The following SLC8B1 variants were observed in gnomAD, a reference collection of about 807,000 sequenced individuals.
SLC8B1 encodes solute carrier family 8 member B1, also known as mitochondrial sodium/calcium exchanger protein.
A neutral mutation model predicts 63.4 loss-of-function variants in SLC8B1; 52 were observed. The observed-to-expected ratio is 0.82, with a 90% CI of 0.66 to 1.03. SLC8B1 has a LOEUF of 1.03. SLC8B1 is among the 50% of genes least tolerant of loss of function. SLC8B1 has a pLI of 0.00. For synonymous variants in SLC8B1, 336 were observed against 323.9 expected, an observed-to-expected ratio of 1.04 and a Z score of -0.40; for missense variants, 657 against 741.7, an observed-to-expected ratio of 0.89 and a Z score of 1.33.
chr12:113,330,723 C>T lies in SLC8B1; in HGVS notation c.156+2000G>A, dbSNP rs375790897. Among the ~76,000 whole-genome samples the T allele has an allele frequency of 5.6e-4, 85 of 152,220 alleles. 1 individual carries two copies. In the South Asian group the frequency reaches 0.017, roughly 30 times the overall value. ...GTAAAATGGGCTTAATTGCCTGTTG[C>T]CTGTTTCACAGGGTGGACTTGAAGG... On this transcript the variant is annotated intron_variant, in intron 2 of 15. Coordinates refer to ENST00000680972, the MANE Select transcript of SLC8B1 (RefSeq NM_001358345.2).
In SLC8B1 at chr12:113,316,999, T is replaced by A. The variant is rs767811520; in HGVS notation, c.805A>T (p.Ile269Phe). 1.1e-5 allele frequency: 18 copies of A among 1,612,342 alleles called. No homozygotes were observed. Among genetic ancestry groups the A allele is most frequent in the Non-Finnish European group, 1.4e-5 (16 of 1,179,482 alleles). ...LFCPMPVTPE[I>F]LSDSEEDRVS... The stretch of plus-strand genomic sequence containing the variant: ...CGGTCCTCCTCGGAGTCTGAGAGGA[T>A]CTCTGCAGGAGAGAGGCCCAGTTAC... The change falls in exon 9 of 16, where the codon ATC (isoleucine) becomes TTC (phenylalanine). Residue 269 changes from isoleucine (I) to phenylalanine (F), a missense_variant and splice_region_variant. Physicochemically the swap from Ile to Phe is conservative, Grantham distance 21. Coordinates refer to ENST00000680972, the MANE Select transcript of SLC8B1 (RefSeq NM_001358345.2).
At chr12:113,315,939 T>C (rs1211329234) in intron 10 of SLC8B1, among the ~76,000 whole-genome samples, 5 of 152,176 alleles carry the variant, frequency 3.3e-5, no homozygotes, top group Non-Finnish European at 7.3e-5. Flanking sequence ...AGATCTTTAA[T>C]GATGGCTGGA....
Position 113,304,365 on chromosome 12 carries a change from G to C in SLC8B1, c.1513C>G (p.Leu505Val), listed in dbSNP as rs1956642592. ...IIFNILVGVG[L>V]GCLLQISRSH... ...CGGGAGATCTGGAGCAGGCAGCCCA[G>C]CCCCACACCCACGAGGATGTCTGCA... Residue 505 changes from leucine to valine, a missense_variant, in exon 15 of 16, where the codon CTG (leucine) becomes GTG (valine). By Grantham distance (32) the Leu-to-Val change is conservative. Transcript: ENST00000680972. The C allele has an allele frequency of 6.2e-7, 1 of 1,613,882 alleles. No individual in the cohort carries two copies. Among genetic ancestry groups the C allele is most frequent in the Non-Finnish European group, 8.5e-7 (1 of 1,179,952 alleles).
chr12:113,300,077 A>AGC, intron 15 of SLC8B1, 103 bp from the exon 16 acceptor site: 1 of 887,000 alleles, frequency 1.1e-6, no homozygotes, highest in Non-Finnish European at 1.7e-6. Flanking sequence ...ATGCAGCCTC[A>AGC]ACAACAATGC....
chr12:113,312,127 G>C (rs1956771392), intron 11 of SLC8B1, among the ~76,000 whole-genome samples: 1 of 152,000 alleles, frequency 6.6e-6, no homozygotes, highest in African/African-American at 2.4e-5. Context: ...GTAGGAGGCA[G>C]TTGGCTCAGA....
chr12:113,320,277 A>G lies in SLC8B1; in HGVS notation c.694+54T>C. 4.4e-6 allele frequency: 7 copies of G among 1,589,586 alleles called. No homozygotes were observed. The highest frequency in any genetic ancestry group is 6.0e-6 in the Non-Finnish European group (7 of 1,167,428). On this transcript the variant is annotated intron_variant, in intron 7 of 15. Coordinates refer to ENST00000680972, the MANE Select transcript of SLC8B1 (RefSeq NM_001358345.2). This position sits in a 1 kb window ranked among gnomAD's most constrained non-coding sequence, Gnocchi z 5.3. ...ACCTCTCTGTCCCAGGCACCTCCTA[A>G]ACCTCCTGCCCATCAGCCCTGGGAT...
intron 1 of SLC8B1, among the ~76,000 whole-genome samples, chr12:113,333,891 C>T (rs997547630): frequency 5.9e-5 from 9 of 152,078 alleles, no homozygotes; most frequent in East Asian, 1.9e-4. Flanking sequence ...GTATTTTTAA[C>T]GGAGACGGGG....
At chr12:113,324,216 G>A (rs540814102) in intron 2 of SLC8B1, among the ~76,000 whole-genome samples, 5 of 152,020 alleles carry the variant, frequency 3.3e-5, no homozygotes, top group South Asian at 4.2e-4. Context: ...CAGAGGCTGA[G>A]GTGAGAGGAT....
Position 113,320,494 on chromosome 12 carries a change from A to T in SLC8B1, c.531T>A (p.Ala177=). The T allele has an allele frequency of 6.2e-7, 1 of 1,614,100 alleles. No individual in the cohort carries two copies. Among genetic ancestry groups the T allele is most frequent in the South Asian group, 1.1e-5 (1 of 91,082 alleles). The part of the protein sequence containing the change: ...AGLALGALFG[A]GVLVTTVVAG... ...CCACCACTGTGGTAACCAGCACGCC[A>T]GCGCCTGGGGGGAGGAGGCCAGAGC... Residue 177 remains alanine (A), a synonymous_variant, in exon 7 of 16, where the codon GCT becomes GCA. Coordinates refer to ENST00000680972, the MANE Select transcript of SLC8B1 (RefSeq NM_001358345.2). This position sits in a 1 kb window ranked among gnomAD's most constrained non-coding sequence, Gnocchi z 5.3.
intron 15 of SLC8B1, chr12:113,302,521 T>C (rs1430179413): frequency 2.5e-6 from 1 of 404,928 alleles, no homozygotes; most frequent in Admixed American, 2.6e-5. Context: ...TCACACATGG[T>C]TGCTGACATA....
intron 2 of SLC8B1, 80 bp downstream of exon 2, chr12:113,332,643 C>T (rs560200923): frequency 2.0e-6 from 3 of 1,488,866 alleles, no homozygotes; most frequent in Admixed American, 4.4e-5. Context: ...GTGCCTGGCA[C>T]ATAGTAGATG....
chr12:113,315,316 C>A lies in SLC8B1; in HGVS notation c.1135+19G>T. ...GAAGGAGTAGGAAGGTGGGTTGGCC[C>A]GGGGTAGGGGATACTCACAGGTCCC... On this transcript the variant is annotated intron_variant, in intron 11 of 15. Transcript: ENST00000680972. 6.7e-7 allele frequency: 1 copy of A among 1,500,894 alleles called. No individual in the cohort carries two copies. Among genetic ancestry groups the A allele is most frequent in the African/African-American group, 1.4e-5 (1 of 71,632 alleles). 93.0% of individuals were successfully genotyped at this position (1,500,894 alleles called of 1,614,324 possible). A position where few individuals can be genotyped will look rare whatever the true frequency, so the allele number is the denominator to read the frequency against.
In SLC8B1 at chr12:113,298,889, A is replaced by C. The variant is rs1346103954; in HGVS notation, c.*888T>G. On this transcript the variant is annotated 3_prime_UTR_variant, in exon 16 of 16. Transcript: ENST00000680972. The stretch of plus-strand genomic sequence containing the variant: ...TATTTCGGCAACATAAGGCGGGGTC[A>C]TTGCATGACAGCAAGAAGGCACGAG... 6.6e-6 allele frequency: 1 copy of C among 152,272 alleles called. No homozygotes were observed. The highest frequency in any genetic ancestry group is 1.5e-5 in the Non-Finnish European group (1 of 68,060). 9.4% of individuals were successfully genotyped at this position (152,272 alleles called of 1,614,324 possible). A position where few individuals can be genotyped will look rare whatever the true frequency, so the allele number is the denominator to read the frequency against.
At chr12:113,322,158 G>A (rs1956940153) in intron 2 of SLC8B1, among the ~76,000 whole-genome samples, 1 of 152,006 alleles carries the variant, frequency 6.6e-6, no homozygotes, top group Non-Finnish European at 1.5e-5. Context: ...TTTAGCTTGG[G>A]GAATAGAATG....
intron 12 of SLC8B1, 93 bp downstream of exon 12, chr12:113,310,141 C>T (rs1043159357): frequency 4.1e-6 from 6 of 1,478,378 alleles, no homozygotes; most frequent in Non-Finnish European, 5.4e-6. Context: ...CCTGATCAAA[C>T]TGGTCAAAGT....
chr12:113,299,571 C>T lies in SLC8B1; in HGVS notation c.*206G>A. On this transcript the variant is annotated 3_prime_UTR_variant, in exon 16 of 16. Coordinates refer to ENST00000680972, the MANE Select transcript of SLC8B1 (RefSeq NM_001358345.2). ...CAGAGCAAAGCCAGGTTTCCAAGGT[C>T]CCCACGGCAAGGCTGTTGGGTGCTG... The T allele has an allele frequency of 1.7e-6, 1 of 583,630 alleles. No homozygotes were observed. The highest frequency in any genetic ancestry group is 3.1e-6 in the Non-Finnish European group (1 of 327,336). 36.2% of individuals were successfully genotyped at this position (583,630 alleles called of 1,614,324 possible).
At chr12:113,327,087 C>G (rs1159605730) in intron 2 of SLC8B1, among the ~76,000 whole-genome samples, 1 of 152,112 alleles carries the variant, frequency 6.6e-6, no homozygotes, top group Non-Finnish European at 1.5e-5. Context: ...GGGCCTGTGG[C>G]TTTGCTGGGG....
chr12:113,306,690 C>T, intron 13 of SLC8B1, 115 bp from the exon 14 acceptor site: 2 of 830,828 alleles, frequency 2.4e-6, no homozygotes, highest in South Asian at 3.0e-5. Context: ...GATGGATGCC[C>T]AAGTGTGCCT....
intron 13 of SLC8B1, 124 bp from the exon 14 acceptor site, chr12:113,306,699 C>CACT: frequency 9.2e-6 from 7 of 760,654 alleles, no homozygotes; most frequent in South Asian, 1.6e-5. Context: ...CCAAGTGTGC[C>CACT]TGGGCACTAG....
Sources: allele counts gnomAD v4.1 joint callset (sites outside exome capture counted in the v4.1 genomes callset), GRCh38; gene constraint gnomAD v4.1.1; non-coding constraint Gnocchi (gnomAD v3.1); transcripts MANE v1.5; gene names NCBI Gene and HGNC (gene_info 2026-07-23, HGNC 2026-07-21).